CCNJL: variants seen among roughly 807,000 people sequenced by gnomAD.
CCNJL encodes cyclin-J-like protein.
CCNJL carries 33 observed loss-of-function variants against 33.4 expected under a neutral mutation model. That is an observed-to-expected ratio of 0.99 (90% CI 0.75 to 1.32). The LOEUF (loss-of-function observed/expected upper bound fraction) is 1.32. CCNJL is among the 40% of genes most tolerant of loss of function. The pLI is 0.00. For synonymous variants in CCNJL, 227 were observed against 220.9 expected (o/e 1.03, Z -0.24); for missense variants, 512 against 499.7 (o/e 1.02, Z -0.23).
chr5:160,323,370 T>C (rs1763498433), intron 1 of CCNJL, among the ~76,000 whole-genome samples: 1 of 152,194 alleles, frequency 6.6e-6, no homozygotes, highest in South Asian at 2.1e-4. Context: ...GCTGGAATTA[T>C]GGGTGTGAGC....
At chr5:160,267,306 G>A (rs890569066) in intron 3 of CCNJL, among the ~76,000 whole-genome samples, 18 of 152,076 alleles carry the variant, frequency 1.2e-4, no homozygotes, top group African/African-American at 4.1e-4. Flanking sequence ...CTGGGAGGTT[G>A]GGGGTGTTTC....
chr5:160,310,904 C>A (rs1202713034), intron 2 of CCNJL, among the ~76,000 whole-genome samples: 1 of 152,006 alleles, frequency 6.6e-6, no homozygotes, highest in African/African-American at 2.4e-5. Flanking sequence ...GAGTCATGGC[C>A]CTGCTAACAC....
intron 3 of CCNJL, chr5:160,261,177 T>TA (rs1421480151): frequency 6.6e-6 from 1 of 152,142 alleles, no homozygotes; most frequent in Non-Finnish European, 1.5e-5. Context: ...CCACAGTAGA[T>TA]ACAACACATT....
At chr5:160,304,484 C>G (rs1010807755) in intron 2 of CCNJL, among the ~76,000 whole-genome samples, 3 of 152,144 alleles carry the variant, frequency 2.0e-5, no homozygotes, top group African/African-American at 7.2e-5. Context: ...TCCAGGGGGT[C>G]ATGAGGGCAG....
intron 3 of CCNJL, 88 bp downstream of exon 3, chr5:160,280,437 C>CA: frequency 6.4e-6 from 7 of 1,086,722 alleles, no homozygotes; most frequent in Non-Finnish European, 9.6e-6. Flanking sequence ...CAAAGATCGT[C>CA]AAAATGTAAA....
chr5:160,331,206 T>TTTTCTTTC (rs201736931), intron 1 of CCNJL, among the ~76,000 whole-genome samples: 1 of 150,158 alleles, frequency 6.7e-6, no homozygotes, highest in Non-Finnish European at 1.5e-5. Flanking sequence ...GAATCTTTTC[T>TTTTCTTTC]TTTCTTTCTT....
chr5:160,273,614 T>C (rs1561783998), intron 3 of CCNJL, among the ~76,000 whole-genome samples: 1 of 151,410 alleles, frequency 6.6e-6, no homozygotes, highest in Non-Finnish European at 1.5e-5. Flanking sequence ...TCTGTGCGTG[T>C]TTGCAAAGCA....
intron 2 of CCNJL, among the ~76,000 whole-genome samples, chr5:160,283,000 T>TATATATATATATAC (rs1554120765): frequency 3.5e-5 from 2 of 56,498 alleles, no homozygotes; most frequent in East Asian, 2.0e-3. Flanking sequence ...TATATATATA[T>TATATATATATATAC]ATATATATAC....
At chr5:160,313,748 C>G (rs762342334), upstream of CCNJL, among the ~76,000 whole-genome samples, 2 of 152,186 alleles carry the variant, frequency 1.3e-5, no homozygotes, top group African/African-American at 2.4e-5. Context: ...CAACTTAACC[C>G]AAATTACTCT....
intron 2 of CCNJL, among the ~76,000 whole-genome samples, chr5:160,287,107 C>T (rs1190668517): frequency 6.6e-6 from 1 of 152,120 alleles, no homozygotes; most frequent in Non-Finnish European, 1.5e-5. Flanking sequence ...ATCTTAGTTC[C>T]ACTATTTACC....
chr5:160,300,194 C>T (rs973249059), intron 2 of CCNJL, among the ~76,000 whole-genome samples: 23 of 152,180 alleles, frequency 1.5e-4, no homozygotes, highest in African/African-American at 5.6e-4. Flanking sequence ...CTACAAGGCA[C>T]TGAGTGCCTC....
intron 5 of CCNJL, chr5:160,254,086 T>C: frequency 2.1e-6 from 1 of 467,264 alleles, no homozygotes; most frequent in South Asian, 5.1e-5. Context: ...CCACAGTCAA[T>C]ACCCCAGAGA....
At chr5:160,320,640 T>A (rs183043905) in intron 1 of CCNJL, among the ~76,000 whole-genome samples, 48 of 152,258 alleles carry the variant, frequency 3.2e-4, no homozygotes, top group African/African-American at 1.0e-3. Context: ...CCCTTCTGCA[T>A]CCCCTCAAAT....
rs986436880 is a variant in CCNJL, at chr5:160,322,712, C to T, written n.207-7207G>A. ...CACAAGGTCAGGAGCTTGAGACCAG[C>T]CTGGCCAATATGGTGAAACCCCATC... On this transcript the variant is annotated intron_variant and non_coding_transcript_variant, in intron 1 of 7. Transcript: ENST00000377503. Among the ~76,000 whole-genome samples the T allele has an allele frequency of 6.0e-5, 9 of 151,144 alleles. No homozygotes were observed. In the East Asian group the frequency reaches 1.6e-3, roughly 26 times the overall value.
chr5:160,276,833 G>GA (rs1762030909), intron 3 of CCNJL, among the ~76,000 whole-genome samples: 1 of 152,086 alleles, frequency 6.6e-6, no homozygotes, highest in East Asian at 1.9e-4. Flanking sequence ...ACCCAGGCTG[G>GA]AGTGCAGTGG....
chr5:160,314,585 A>G (rs796874473), upstream of CCNJL, among the ~76,000 whole-genome samples: 11 of 152,368 alleles, frequency 7.2e-5, no homozygotes, highest in African/African-American at 2.6e-4. Flanking sequence ...AGGTGAGTAG[A>G]CAAATTTGAA....
At chr5:160,274,575 C>T (rs1580971732) in intron 3 of CCNJL, among the ~76,000 whole-genome samples, 1 of 152,198 alleles carries the variant, frequency 6.6e-6, no homozygotes, top group Admixed American at 6.5e-5. Context: ...GAGCCAGAGA[C>T]GGGGGCTTTC....
intron 1 of CCNJL, among the ~76,000 whole-genome samples, chr5:160,320,825 CTT>C (rs1763435739): frequency 8.6e-6 from 1 of 116,526 alleles, no homozygotes; most frequent in Admixed American, 9.0e-5. Flanking sequence ...TTCTTTCTTT[CTT>C]TCTTTCTTTC....
intron 2 of CCNJL, among the ~76,000 whole-genome samples, chr5:160,283,131 T>C (rs1028911856): frequency 2.0e-5 from 3 of 150,486 alleles, no homozygotes; most frequent in African/African-American, 7.3e-5. Context: ...CAAACACTTA[T>C]CAACTGATGA....
Sources: allele counts gnomAD v4.1 joint callset (sites outside exome capture counted in the v4.1 genomes callset), GRCh38; gene constraint gnomAD v4.1.1; transcripts MANE v1.5; gene names NCBI Gene and HGNC (gene_info 2026-07-23, HGNC 2026-07-21).